Variants in JAG1 observed in about 807,000 individuals in gnomAD.
JAG1 encodes protein jagged-1.
A neutral mutation model predicts 148.7 loss-of-function variants in JAG1; 23 were observed. The ratio of observed to expected loss-of-function variants is 0.15; its 90% confidence interval spans 0.11 to 0.22. The LOEUF (loss-of-function observed/expected upper bound fraction) is 0.22. Ranked by LOEUF, JAG1 falls within the 10% of genes least tolerant of loss-of-function variation. The probability of loss-of-function intolerance (pLI) is 1.00; values close to 1 mark genes in which losing one functional copy is unlikely to be tolerated. For missense variants in JAG1, 1,054 were observed against 1,611.2 expected (o/e 0.65, Z 5.92); for synonymous variants, 572 against 598.3 (o/e 0.96, Z 0.64).
chr20:10,658,487 C>G lies in JAG1; in HGVS notation c.675G>C (p.Met225Ile). 6.2e-7 allele frequency: 1 copy of G among 1,614,180 alleles called. No homozygotes were observed. Among genetic ancestry groups the G allele is most frequent in the Non-Finnish European group, 8.5e-7 (1 of 1,180,042 alleles). Residue 225 changes from methionine to isoleucine, a missense_variant, in exon 4 of 26, where the codon ATG (methionine) becomes ATC (isoleucine). Physicochemically the swap from Met to Ile is conservative, Grantham distance 10. Transcript: ENST00000254958. ...ACATACCTCTGTTACATTCGGGGCCCATCCAGCCTTCCATGCAAGTTTTGT... is the reference window on the plus strand; with the variant it reads ...ACATACCTCTGTTACATTCGGGGCCGATCCAGCCTTCCATGCAAGTTTTGT... Reference protein sequence around the residue: ...NGNKTCMEGWMGPECNRAICR... With the variant: ...NGNKTCMEGWIGPECNRAICR...
chr20:10,639,858 C>T lies in JAG1; in HGVS notation c.3297G>A (p.Pro1099=), dbSNP rs748849177. ...FYWCLRKRRK[P]GSHTHSASED... ...CAGAGGCTGAGTGTGTGTGGCTGCC[C>T]GGCTTCCGCCGCTTCCGCAGGCACC... The change falls in exon 26 of 26, where the codon CCG becomes CCA. Residue 1099 remains proline (P), a synonymous_variant. Coordinates refer to ENST00000254958, the MANE Select transcript of JAG1 (RefSeq NM_000214.3). 5.0e-6 allele frequency: 8 copies of T among 1,613,978 alleles called. No homozygotes were observed. Among genetic ancestry groups the T allele is most frequent in the East Asian group, 2.2e-5 (1 of 44,890 alleles).
At position 10,646,527 on chromosome 20, in the gene JAG1, G is replaced by A. The variant is rs113134685; in HGVS notation, c.1885+412C>T. On this transcript the variant is annotated intron_variant, in intron 14 of 25. Transcript: ENST00000254958. The stretch of plus-strand genomic sequence containing the variant: ...ATTAAAACAATTTCAACACTGCTGG[G>A]CATGGTGGCTCACACCTGTAATCCC... 5.5e-3 allele frequency among the ~76,000 whole-genome samples: 845 copies of A among 152,294 alleles called. 11 individuals are homozygous for A. Among genetic ancestry groups the A allele is most frequent in the African/African-American group, 0.02 (821 of 41,566 alleles).
At chr20:10,653,572 CGTGG>C (rs2067359973) in intron 5 of JAG1, among the ~76,000 whole-genome samples, 1 of 47,220 alleles carries the variant, frequency 2.1e-5, no homozygotes. Flanking sequence ...CCCGGTGGAG[CGTGG>C]AGGGTGGAGG....
chr20:10,648,659 C>G lies in JAG1; in HGVS notation c.1459G>C (p.Asp487His). 6.2e-7 allele frequency: 1 copy of G among 1,614,180 alleles called. No individual in the cohort carries two copies. Among genetic ancestry groups the G allele is most frequent in the Non-Finnish European group, 8.5e-7 (1 of 1,179,998 alleles). ...GGGTTGCTGGCACATTCATCGATGT[C>G]TCTCTCACAGTGATCGCCTGCATAG... ...PGYAGDHCER[D>H]IDECASNPCL... The change falls in exon 12 of 26, where the codon GAC becomes CAC. Residue 487 changes from aspartate to histidine, a missense_variant. By Grantham distance (81) the Asp-to-His change is moderately conservative. Coordinates refer to ENST00000254958, the MANE Select transcript of JAG1 (RefSeq NM_000214.3).
At chr20:10,648,272 G>T (rs2122608193) in intron 12 of JAG1, among the ~76,000 whole-genome samples, 162 bp from the exon 13 acceptor site, 1 of 152,282 alleles carries the variant, frequency 6.6e-6, no homozygotes. Context: ...GACTGCCAAT[G>T]TCCAGTATTT....
chr20:10,640,671 C>A, intron 25 of JAG1, 112 bp downstream of exon 25: 1 of 1,131,104 alleles, frequency 8.8e-7, no homozygotes. Context: ...AAATTGGGAG[C>A]TCCTGCGAGG....
chr20:10,638,392 C>T lies in JAG1; in HGVS notation c.*1106G>A, dbSNP rs752660387. ...AGATTGGTGTGCTTCCAAGTTCACA[C>T]AATTAATTTGATATTTTTAATCATA... On this transcript the variant is annotated 3_prime_UTR_variant, in exon 26 of 26. Transcript: ENST00000254958. 2 of 152,612 alleles carry T rather than the reference C, an allele frequency of 1.3e-5. No individual in the cohort carries two copies. The highest frequency in any genetic ancestry group is 2.4e-5 in the African/African-American group (1 of 41,440). 9.5% of individuals were successfully genotyped at this position (152,612 alleles called of 1,614,324 possible).
chr20:10,644,166 G>A (rs2067291838), intron 19 of JAG1, among the ~76,000 whole-genome samples, 191 bp downstream of exon 19: 1 of 152,068 alleles, frequency 6.6e-6, no homozygotes, highest in Non-Finnish European at 1.5e-5. Context: ...TGTGGTCCAT[G>A]GGGCAGCAGG....
At chr20:10,644,560 T>A in intron 18 of JAG1, 176 bp from the exon 19 acceptor site, 1 of 686,594 alleles carries the variant, frequency 1.5e-6, no homozygotes, top group Admixed American at 2.0e-5. Flanking sequence ...TCATTTGCTG[T>A]GGGACACATG....
intron 3 of JAG1, among the ~76,000 whole-genome samples, chr20:10,659,290 T>C (rs1203243361): frequency 6.6e-6 from 1 of 152,236 alleles, no homozygotes. Flanking sequence ...CCCTTTCTGG[T>C]AGTTACAAAA....
At chr20:10,648,466 G>T in intron 12 of JAG1, 83 bp downstream of exon 12, 1 of 1,151,866 alleles carries the variant, frequency 8.7e-7, no homozygotes, top group South Asian at 1.2e-5. Flanking sequence ...AGACACAAGA[G>T]CTGAGGGAAA....
chr20:10,663,342 C>T (rs1325631357), intron 3 of JAG1, among the ~76,000 whole-genome samples: 1 of 152,200 alleles, frequency 6.6e-6, no homozygotes, highest in Non-Finnish European at 1.5e-5. Context: ...TCATTTCAAT[C>T]ACATCCTCCA....
At chr20:10,643,087 CTGTT>C (rs2067284504) in intron 20 of JAG1, among the ~76,000 whole-genome samples, 1 of 152,260 alleles carries the variant, frequency 6.6e-6, no homozygotes. Flanking sequence ...AGTTTGCCAA[CTGTT>C]TATTTAGAAA....
At chr20:10,664,231 C>T (rs1568803483) in intron 2 of JAG1, among the ~76,000 whole-genome samples, 2 of 152,166 alleles carry the variant, frequency 1.3e-5, no homozygotes, top group Admixed American at 6.5e-5. Flanking sequence ...ACTCCTTTCA[C>T]CTGGCAGGGA....
In JAG1 at chr20:10,640,896, T is replaced by A. The variant is rs1401097904; in HGVS notation, c.3086A>T (p.Lys1029Met). Residue 1029 changes from lysine to methionine, a missense_variant, in exon 25 of 26, where the codon AAG becomes ATG. Lys to Met is a moderately conservative substitution (Grantham distance 95). Transcript: ENST00000254958. ...EDIRDDGNPI[K>M]EITDKIIDLV... ...ATCGATTATTTTGTCAGTGATTTCCTTGATCGGGTTCCCATCATCCCGTAT... is the reference window on the plus strand; with the variant it reads ...ATCGATTATTTTGTCAGTGATTTCCATGATCGGGTTCCCATCATCCCGTAT... The A allele has an allele frequency of 6.2e-7, 1 of 1,614,188 alleles. No individual in the cohort carries two copies. Among genetic ancestry groups the A allele is most frequent in the Admixed American group, 1.7e-5 (1 of 60,026 alleles).
chr20:10,661,086 G>A (rs2067413824), intron 3 of JAG1, among the ~76,000 whole-genome samples: 1 of 152,178 alleles, frequency 6.6e-6, no homozygotes, highest in Non-Finnish European at 1.5e-5. Flanking sequence ...TGCTCTAGGG[G>A]AGAAAGAAAT....
In JAG1 at chr20:10,639,355, T is replaced by G. The variant is rs113529940; in HGVS notation, c.*143A>C. ...CCCAGCCAACCACAGAAACTACCAT[T>G]GCCAGTGTAAGCCAGCTTGTCAAAA... On this transcript the variant is annotated 3_prime_UTR_variant, in exon 26 of 26. Transcript: ENST00000254958. The G allele has an allele frequency of 4.9e-6, 4 of 815,084 alleles. No homozygotes were observed. The highest frequency in any genetic ancestry group is 3.3e-5 in the African/African-American group (2 of 59,868). 50.5% of individuals were successfully genotyped at this position (815,084 alleles called of 1,614,324 possible).
In JAG1 at chr20:10,659,559, C is replaced by CTTTTTTTTTTTTT. The variant is rs35826283; in HGVS notation, c.440-850_440-838dup. Among the ~76,000 whole-genome samples the CTTTTTTTTTTTTT allele has an allele frequency of 3.1e-4, 33 of 105,154 alleles. 12 individuals carry two copies. Among genetic ancestry groups the CTTTTTTTTTTTTT allele is most frequent in the African/African-American group, 5.9e-4 (16 of 27,216 alleles). The allele number at this position is 105,154 out of a possible 152,430, so 69.0% of individuals were successfully genotyped here. A position where few individuals can be genotyped will look rare whatever the true frequency, so the allele number is the denominator to read the frequency against. ...GGAAGCCAAGGAGACGATTAAGTTACTTTTTTTTTTTTTTTTTTTTTTTTT... is the reference window on the plus strand; with the variant it reads ...GGAAGCCAAGGAGACGATTAAGTTACTTTTTTTTTTTTTTTTTTTTTTTTTTTTTTTTTTTTTT... On this transcript the variant is annotated intron_variant, in intron 3 of 25. Transcript: ENST00000254958.
At chr20:10,644,182 T>C (rs1237103653) in intron 19 of JAG1, among the ~76,000 whole-genome samples, 175 bp downstream of exon 19, 1 of 151,908 alleles carries the variant, frequency 6.6e-6, no homozygotes, top group Non-Finnish European at 1.5e-5. Context: ...GCAGGATCGC[T>C]TCACCTGGGA....
Sources: gnomAD v4.1 joint callset for allele counts (sites outside exome capture counted in the v4.1 genomes callset) on GRCh38, gnomAD v4.1.1 for gene constraint, MANE v1.5 for transcripts, NCBI Gene and HGNC (gene_info 2026-07-23, HGNC 2026-07-21) for gene names.